OPCML: variants seen among roughly 807,000 people sequenced by gnomAD.
OPCML encodes opioid binding protein/cell adhesion molecule like.
A neutral mutation model predicts 37.8 loss-of-function variants in OPCML; 13 were observed. The observed-to-expected ratio is 0.34, with a 90% CI of 0.22 to 0.55. OPCML has a LOEUF of 0.55. OPCML is among the 20% of genes least tolerant of loss of function. The pLI is 0.91. For missense variants in OPCML, 341 were observed against 435.6 expected (o/e 0.78, Z 1.93); for synonymous variants, 176 against 168.8 (o/e 1.04, Z -0.33).
intron 1 of OPCML, among the ~76,000 whole-genome samples, chr11:133,423,900 A>G (rs1565626600): frequency 6.6e-6 from 1 of 152,092 alleles, no homozygotes; most frequent in Non-Finnish European, 1.5e-5. Flanking sequence ...CCATGTGACA[A>G]CCTGGCTCTC....
chr11:133,456,093 A>G (rs565082045), intron 1 of OPCML, among the ~76,000 whole-genome samples: 13 of 152,330 alleles, frequency 8.5e-5, no homozygotes, highest in Non-Finnish European at 1.5e-4. Context: ...GAAAACATGG[A>G]AGGCAGTGGC....
chr11:132,872,381 G>A (rs967806221), intron 2 of OPCML, among the ~76,000 whole-genome samples: 3 of 152,090 alleles, frequency 2.0e-5, no homozygotes, highest in Non-Finnish European at 2.9e-5. Context: ...GCTGCCAAAC[G>A]AATCGCGGAT....
chr11:133,349,643 T>C (rs1321895694), intron 1 of OPCML, among the ~76,000 whole-genome samples: 1 of 152,156 alleles, frequency 6.6e-6, no homozygotes, highest in Non-Finnish European at 1.5e-5. Context: ...TGAGCAACCA[T>C]GAACACAGTG....
intron 3 of OPCML, among the ~76,000 whole-genome samples, chr11:132,570,122 G>A (rs2096433891): frequency 6.6e-6 from 1 of 152,018 alleles, no homozygotes; most frequent in Non-Finnish European, 1.5e-5. Flanking sequence ...CATAAATAAC[G>A]GGTTCAATAA....
chr11:133,072,273 AATT>A (rs1162135456), intron 1 of OPCML, among the ~76,000 whole-genome samples: 1 of 152,224 alleles, frequency 6.6e-6, no homozygotes, highest in Non-Finnish European at 1.5e-5. Flanking sequence ...ATGGCATGTG[AATT>A]ATATCTCAAT....
intron 1 of OPCML, among the ~76,000 whole-genome samples, chr11:133,475,232 G>T (rs7932934): frequency 0.75 from 97,773 of 130,736 alleles, 35,413 homozygotes; most frequent in South Asian, 0.94. Flanking sequence ...TTGTTTTTTT[G>T]TTGTTGTTGT....
At chr11:132,850,386 T>C (rs75802975) in intron 2 of OPCML, among the ~76,000 whole-genome samples, 2,311 of 152,302 alleles carry the variant, frequency 0.015, 66 homozygotes, top group African/African-American at 0.053. Context: ...AGCATCAAAT[T>C]AGTGCTGGTA....
intron 1 of OPCML, among the ~76,000 whole-genome samples, chr11:133,183,652 A>G (rs1378564407): frequency 1.3e-5 from 2 of 152,208 alleles, no homozygotes; most frequent in Admixed American, 6.5e-5. Flanking sequence ...GATCATGGTC[A>G]TGTTATTTTA....
At position 133,017,404 on chromosome 11, in the gene OPCML, A is replaced by AT. The variant is rs373716624; in HGVS notation, c.62-74395dup. ...ACCCCTCTTTTCCTTTTATTTATTT[A>AT]TTTTTTTTTTTGAGATGAAGTCTCG... On this transcript the variant is annotated intron_variant, in intron 1 of 7. Transcript: ENST00000524381. Among the ~76,000 whole-genome samples, 300 of 146,852 alleles carry AT rather than the reference A, an allele frequency of 2.0e-3. 2 individuals are homozygous for AT. Among genetic ancestry groups the AT allele is most frequent in the African/African-American group, 5.3e-3 (215 of 40,188 alleles).
Position 133,360,939 on chromosome 11 carries a change from G to A in OPCML, c.61+171325C>T, listed in dbSNP as rs1281994575. On this transcript the variant is annotated intron_variant, in intron 1 of 7. Coordinates refer to ENST00000524381, the MANE Select transcript of OPCML (RefSeq NM_001012393.5). ...GGCGAAGGGCAAATGGTTCTCCGCA[G>A]CATGTGTGACACGTGAAGTGCTCGA... The A allele has an allele frequency of 2.6e-5, 4 of 152,370 alleles. No individual in the cohort carries two copies. In the East Asian group the frequency reaches 7.7e-4, roughly 29 times the overall value. 9.4% of individuals were successfully genotyped at this position (152,370 alleles called of 1,614,324 possible). A position where few individuals can be genotyped will look rare whatever the true frequency, so the allele number is the denominator to read the frequency against.
At chr11:132,819,921 G>T (rs970456609) in intron 2 of OPCML, among the ~76,000 whole-genome samples, 1 of 152,142 alleles carries the variant, frequency 6.6e-6, no homozygotes, top group African/African-American at 2.4e-5. Context: ...TTCCTTTAAT[G>T]ATGTGCCTTC....
intron 7 of OPCML, among the ~76,000 whole-genome samples, chr11:132,433,639 T>C (rs2096004507): frequency 6.6e-6 from 1 of 152,200 alleles, no homozygotes; most frequent in African/African-American, 2.4e-5. Flanking sequence ...CCAGTATGTC[T>C]GTATTTGGAG....
chr11:132,505,772 A>C (rs2096255417), intron 4 of OPCML, among the ~76,000 whole-genome samples: 1 of 152,130 alleles, frequency 6.6e-6, no homozygotes. Flanking sequence ...AAGCAAGAGA[A>C]AGACAAAAGA....
chr11:133,326,210 G>A (rs895435944), intron 1 of OPCML, among the ~76,000 whole-genome samples: 1 of 151,634 alleles, frequency 6.6e-6, no homozygotes, highest in African/African-American at 2.4e-5. Flanking sequence ...CCTCTCCTTT[G>A]TGTGGGAAAC....
intron 1 of OPCML, among the ~76,000 whole-genome samples, chr11:133,011,248 T>A (rs1947206556): frequency 6.6e-6 from 1 of 152,170 alleles, no homozygotes; most frequent in South Asian, 2.1e-4. Context: ...AGCATGACTC[T>A]TGAGAGCAGT....
intron 1 of OPCML, among the ~76,000 whole-genome samples, chr11:133,242,982 C>T (rs77834842): frequency 0.013 from 1,947 of 152,248 alleles, 18 homozygotes; most frequent in Middle Eastern, 0.034. Flanking sequence ...ACAAATGTTA[C>T]ACCGTGGTCT....
At chr11:133,093,109 G>T (rs963219649) in intron 1 of OPCML, among the ~76,000 whole-genome samples, 1 of 151,780 alleles carries the variant, frequency 6.6e-6, no homozygotes, top group African/African-American at 2.4e-5. Context: ...TGATGAACAG[G>T]GGTATTTGGT....
At chr11:132,565,417 C>T (rs374776107) in intron 3 of OPCML, among the ~76,000 whole-genome samples, 1 of 152,122 alleles carries the variant, frequency 6.6e-6, no homozygotes, top group East Asian at 1.9e-4. Context: ...GACCTTCTCC[C>T]GAACGTTAGC....
At chr11:132,467,284 G>A (rs908434455) in intron 4 of OPCML, among the ~76,000 whole-genome samples, 7 of 152,188 alleles carry the variant, frequency 4.6e-5, no homozygotes, top group African/African-American at 1.7e-4. Context: ...GGATTACAAA[G>A]GAAAGCAAGA....
Sources: gnomAD v4.1 joint callset for allele counts (sites outside exome capture counted in the v4.1 genomes callset) on GRCh38, gnomAD v4.1.1 for gene constraint, MANE v1.5 for transcripts, NCBI Gene and HGNC (gene_info 2026-07-23, HGNC 2026-07-21) for gene names.